NF1: variants seen among roughly 807,000 people sequenced by gnomAD.
NF1 encodes the protein neurofibromin 1, also known as neurofibromin.
In NF1, 122 loss-of-function variants were observed where a neutral mutation model predicts 325.7. That is an observed-to-expected ratio of 0.37 (90% CI 0.32 to 0.44). The LOEUF (loss-of-function observed/expected upper bound fraction) is 0.44, where lower values mean the gene tolerates loss of function less well. NF1 is among the 20% of genes least tolerant of loss of function. The pLI is 1.00. For missense variants in NF1, 2,140 were observed against 3,415.4 expected (o/e 0.63, Z 9.31); for synonymous variants, 1,091 against 1,186.0 (o/e 0.92, Z 1.65).
At chr17:31,120,266 G>T (rs556635870) in intron 1 of NF1, among the ~76,000 whole-genome samples, 1 of 152,044 alleles carries the variant, frequency 6.6e-6, no homozygotes, top group Non-Finnish European at 1.5e-5. Flanking sequence ...TCATTTGTTT[G>T]TATCCTCTTT....
intron 30 of NF1, chr17:31,249,926 C>T (rs1207062162): frequency 4.1e-6 from 2 of 485,526 alleles, no homozygotes; most frequent in Non-Finnish European, 8.2e-6. Flanking sequence ...GTTATCAAAA[C>T]CCATGTCTTT....
In NF1 at chr17:31,289,223, G is replaced by A. The variant is rs113174161; in HGVS notation, c.4835+23884G>A. ...CGAAGCATGGTGACTAAGGGACAGA[G>A]GATATTTTGTTTGTTTGAACTATAA... is the stretch of plus-strand genomic sequence containing the variant. On this transcript the variant is annotated intron_variant, in intron 36 of 57. Coordinates refer to ENST00000358273, the MANE Select transcript of NF1 (RefSeq NM_001042492.3). 3.9e-3 allele frequency among the ~76,000 whole-genome samples: 592 copies of A among 152,198 alleles called. 6 individuals are homozygous for A. Among genetic ancestry groups the A allele is most frequent in the African/African-American group, 0.014 (563 of 41,530 alleles).
At chr17:31,292,203 G>A (rs1403760563) in intron 36 of NF1, among the ~76,000 whole-genome samples, 2 of 152,076 alleles carry the variant, frequency 1.3e-5, no homozygotes, top group Non-Finnish European at 2.9e-5. Context: ...GAGATGGATG[G>A]GTGAAGATAG....
chr17:31,178,755 A>G (rs903401798), intron 5 of NF1, among the ~76,000 whole-genome samples: 5 of 152,238 alleles, frequency 3.3e-5, no homozygotes, highest in African/African-American at 9.6e-5. Context: ...AAAAAGATCA[A>G]AAGAGTCAAA....
chr17:31,097,823 A>C (rs908620023), intron 1 of NF1, among the ~76,000 whole-genome samples: 1 of 152,054 alleles, frequency 6.6e-6, no homozygotes, highest in African/African-American at 2.4e-5. Flanking sequence ...CAGTCTCCCA[A>C]GTAGCTGGGA....
intron 57 of NF1, 167 bp downstream of exon 57, chr17:31,360,870 G>A (rs552008046): frequency 3.0e-6 from 2 of 666,626 alleles, no homozygotes; most frequent in East Asian, 5.4e-5. Flanking sequence ...ATTCTATGAA[G>A]CTTTCTACTT....
Position 31,225,244 on chromosome 17 carries a change from C to T in NF1, c.1995C>T (p.Ser665=), listed in dbSNP as rs1352726800. 6.2e-7 allele frequency: 1 copy of T among 1,613,434 alleles called. No individual in the cohort carries two copies. Among genetic ancestry groups the T allele is most frequent in the African/African-American group, 1.3e-5 (1 of 74,870 alleles). ...GASLRKGKGN[S]SMDSAAGCSG... ...CTCTCCGGAAGGGAAAAGGGAACTC[C>T]TCTATGGTCAGCTTCTTCTGTACTT... is the stretch of plus-strand genomic sequence containing the variant. The change falls in exon 17 of 58, where the codon TCC becomes TCT. Residue 665 remains serine (S), a synonymous_variant. Coordinates refer to ENST00000358273, the MANE Select transcript of NF1 (RefSeq NM_001042492.3).
chr17:31,295,471 G>A (rs965668498), intron 36 of NF1: 1 of 1,613,994 alleles, frequency 6.2e-7, no homozygotes, highest in African/African-American at 1.3e-5. Context: ...AGTTAATGGT[G>A]TCCACTGTCT....
intron 12 of NF1, among the ~76,000 whole-genome samples, chr17:31,211,978 AAAT>A (rs1420791992): frequency 6.6e-6 from 1 of 152,162 alleles, no homozygotes; most frequent in African/African-American, 2.4e-5. Flanking sequence ...AATTTATAAA[AAAT>A]ATTTTTATAT....
chr17:31,148,913 T>A (rs1032967725), intron 1 of NF1, among the ~76,000 whole-genome samples: 1 of 152,182 alleles, frequency 6.6e-6, no homozygotes, highest in African/African-American at 2.4e-5. Context: ...AAAAACAATA[T>A]GTATTCCATA....
At chr17:31,234,916 T>C (rs1440284663) in intron 27 of NF1, among the ~76,000 whole-genome samples, 1 of 152,088 alleles carries the variant, frequency 6.6e-6, no homozygotes, top group Non-Finnish European at 1.5e-5. Context: ...AATTTCTTCT[T>C]ATCATGTGAT....
At chr17:31,318,508 G>T in intron 36 of NF1, 1 of 1,614,022 alleles carries the variant, frequency 6.2e-7, no homozygotes, top group South Asian at 1.1e-5. Flanking sequence ...TACTTGTTTT[G>T]ATCGTCTGAG....
At chr17:31,266,654 GGA>G in intron 36 of NF1, among the ~76,000 whole-genome samples, 1 of 152,088 alleles carries the variant, frequency 6.6e-6, no homozygotes, top group South Asian at 2.1e-4. Context: ...CATTGGTAAG[GGA>G]GGTAGAAGAT....
At chr17:31,174,903 G>C (rs1384409283) in intron 5 of NF1, among the ~76,000 whole-genome samples, 1 of 152,102 alleles carries the variant, frequency 6.6e-6, no homozygotes, top group Admixed American at 6.6e-5. Context: ...GAGGTCAGGA[G>C]TTCGAGACCA....
intron 37 of NF1, among the ~76,000 whole-genome samples, chr17:31,326,722 A>G (rs2069353316): frequency 6.6e-6 from 1 of 152,158 alleles, no homozygotes; most frequent in Non-Finnish European, 1.5e-5. Flanking sequence ...TGTGGAGGAT[A>G]TGAGACGTAT....
intron 36 of NF1, chr17:31,297,643 A>G (rs1205709840): frequency 1.3e-5 from 2 of 152,110 alleles, no homozygotes; most frequent in Non-Finnish European, 2.9e-5. Flanking sequence ...TAGTCCCACT[A>G]TTTTTTAACT....
chr17:31,132,454 C>T (rs1466670018), intron 1 of NF1, among the ~76,000 whole-genome samples: 2 of 151,970 alleles, frequency 1.3e-5, no homozygotes, highest in South Asian at 2.1e-4. Context: ...GCAGGAGAAT[C>T]GCTTGAACCC....
intron 27 of NF1, among the ~76,000 whole-genome samples, chr17:31,234,342 C>T (rs904422755): frequency 9.2e-5 from 14 of 152,066 alleles, no homozygotes; most frequent in African/African-American, 3.1e-4. Flanking sequence ...TAGCATCTAC[C>T]TATAATTAGC....
intron 25 of NF1, among the ~76,000 whole-genome samples, chr17:31,232,478 A>G (rs1394916300): frequency 6.6e-6 from 1 of 152,172 alleles, no homozygotes; most frequent in African/African-American, 2.4e-5. Context: ...CATCTATTTG[A>G]TGCTAATGTT....
Sources: allele counts gnomAD v4.1 joint callset (sites outside exome capture counted in the v4.1 genomes callset), GRCh38; gene constraint gnomAD v4.1.1; transcripts MANE v1.5; gene names NCBI Gene and HGNC (gene_info 2026-07-23, HGNC 2026-07-21).